The following MACROD2 variants were observed in gnomAD, a reference collection of about 807,000 sequenced individuals.
MACROD2 encodes mono-ADP ribosylhydrolase 2.
A neutral mutation model predicts 70.4 loss-of-function variants in MACROD2; 36 were observed. The ratio of observed to expected loss-of-function variants is 0.51; its 90% CI spans 0.39 to 0.68. The LOEUF is 0.68. Ranked by LOEUF, MACROD2 falls within the 30% of genes least tolerant of loss-of-function variation. MACROD2 has a pLI of 0.00. For synonymous variants in MACROD2, 172 were observed against 178.8 expected, an observed-to-expected ratio of 0.96 and a Z score of 0.30; for missense variants, 496 against 538.4, an observed-to-expected ratio of 0.92 and a Z score of 0.78.
intron 4 of MACROD2, among the ~76,000 whole-genome samples, chr20:14,638,325 A>G (rs540753595): frequency 3.4e-4 from 52 of 152,306 alleles, no homozygotes; most frequent in African/African-American, 1.1e-3. Flanking sequence ...AGTTATGACT[A>G]TGAGAATGAA....
chr20:14,515,945 T>C (rs1424333220), intron 4 of MACROD2, among the ~76,000 whole-genome samples: 3 of 148,426 alleles, frequency 2.0e-5, no homozygotes, highest in Non-Finnish European at 3.0e-5. Context: ...AAACATTACA[T>C]TGTACATTAT....
At chr20:15,134,069 G>T in intron 5 of MACROD2, among the ~76,000 whole-genome samples, 1 of 150,040 alleles carries the variant, frequency 6.7e-6, no homozygotes. Context: ...ACCTCACCTG[G>T]CTAATTTTTT....
At chr20:14,429,508 G>T (rs1431737481) in intron 3 of MACROD2, among the ~76,000 whole-genome samples, 2 of 152,196 alleles carry the variant, frequency 1.3e-5, no homozygotes, top group Non-Finnish European at 2.9e-5. Context: ...ATCAGAGAAA[G>T]CTTCAAGGAG....
chr20:15,080,127 T>G (rs2075691724), intron 5 of MACROD2, among the ~76,000 whole-genome samples: 1 of 137,498 alleles, frequency 7.3e-6, no homozygotes. Flanking sequence ...AATAAATAAA[T>G]AAATAAATAA....
chr20:14,122,245 G>A (rs1998488), intron 3 of MACROD2, among the ~76,000 whole-genome samples: 79,006 of 151,988 alleles, frequency 0.52, 22,421 homozygotes, highest in Non-Finnish European at 0.62. Flanking sequence ...ATTATCTGTG[G>A]CAAGTCACTT....
chr20:14,559,785 C>G (rs1466227870), intron 4 of MACROD2, among the ~76,000 whole-genome samples: 1 of 151,782 alleles, frequency 6.6e-6, no homozygotes, highest in African/African-American at 2.4e-5. Context: ...TTTCTAACAA[C>G]ATGAATCATG....
intron 5 of MACROD2, among the ~76,000 whole-genome samples, chr20:15,224,305 T>G (rs1224726467): frequency 6.6e-6 from 1 of 152,214 alleles, no homozygotes; most frequent in Non-Finnish European, 1.5e-5. Context: ...AGAATTTGCA[T>G]GTATACAAGC....
intron 2 of MACROD2, among the ~76,000 whole-genome samples, chr20:14,062,008 A>C (rs557349977): frequency 6.6e-6 from 1 of 152,268 alleles, no homozygotes; most frequent in East Asian, 1.9e-4. Context: ...CACACTTGAA[A>C]CTATTTTAGA....
chr20:14,975,451 G>T (rs1317223543), intron 5 of MACROD2, among the ~76,000 whole-genome samples: 1 of 152,136 alleles, frequency 6.6e-6, no homozygotes, highest in East Asian at 1.9e-4. Context: ...GCCAGCATGG[G>T]CCTAGTTTGG....
At chr20:15,262,987 G>T (rs1179885471) in intron 6 of MACROD2, among the ~76,000 whole-genome samples, 3 of 152,042 alleles carry the variant, frequency 2.0e-5, no homozygotes, top group Admixed American at 6.6e-5. Flanking sequence ...CGATTCTGTG[G>T]GTTGTTTCTT....
At chr20:14,681,159 T>G (rs982437195) in intron 4 of MACROD2, among the ~76,000 whole-genome samples, 4 of 152,192 alleles carry the variant, frequency 2.6e-5, no homozygotes, top group South Asian at 2.1e-4. Context: ...TGAACTCTCT[T>G]ACATTGCTGG....
At chr20:14,494,113 T>C (rs2084825206) in intron 4 of MACROD2, 1 of 152,116 alleles carries the variant, frequency 6.6e-6, no homozygotes, top group East Asian at 1.9e-4. Flanking sequence ...TAACTATTTG[T>C]ATTTTTACTT....
intron 6 of MACROD2, among the ~76,000 whole-genome samples, chr20:15,422,968 T>G (rs6110598): frequency 0.33 from 49,997 of 152,112 alleles, 8,470 homozygotes; most frequent in South Asian, 0.39. Flanking sequence ...ACATTCCATC[T>G]TCTGGTTTAC....
At chr20:14,981,450 ATATGTG>A (rs768493752) in intron 5 of MACROD2, among the ~76,000 whole-genome samples, 81 of 65,304 alleles carry the variant, frequency 1.2e-3, no homozygotes, top group Middle Eastern at 0.017. Flanking sequence ...ATATATATAT[ATATGTG>A]TGTGTGTGTC....
chr20:14,800,522 G>A (rs529624372), intron 5 of MACROD2, among the ~76,000 whole-genome samples: 77 of 152,154 alleles, frequency 5.1e-4, no homozygotes, highest in Non-Finnish European at 6.6e-4. Context: ...TCATTATAAC[G>A]TATCTGATGA....
At chr20:15,453,090 A>G (rs902732476) in intron 7 of MACROD2, among the ~76,000 whole-genome samples, 1 of 152,132 alleles carries the variant, frequency 6.6e-6, no homozygotes, top group Admixed American at 6.5e-5. Flanking sequence ...TGAACACAGC[A>G]TCAGGACCTG....
chr20:15,769,943 AC>A (rs1203227508), intron 8 of MACROD2, among the ~76,000 whole-genome samples: 1 of 152,078 alleles, frequency 6.6e-6, no homozygotes, highest in Non-Finnish European at 1.5e-5. Flanking sequence ...CATTCCTTAA[AC>A]TATTAAAGTT....
intron 12 of MACROD2, among the ~76,000 whole-genome samples, chr20:15,957,339 AC>A (rs2065991749): frequency 6.6e-6 from 1 of 152,202 alleles, no homozygotes; most frequent in Admixed American, 6.5e-5. Context: ...TATGAATGCA[AC>A]TTTTGGGAAA....
Position 15,246,091 on chromosome 20 carries a change from A to C in MACROD2, c.540+16030A>C, listed in dbSNP as rs183358603. Among the ~76,000 whole-genome samples the C allele has an allele frequency of 1.9e-3, 290 of 152,362 alleles. 1 individual carries two copies. The highest frequency in any genetic ancestry group is 5.8e-3 in the African/African-American group (240 of 41,594). On this transcript the variant is annotated intron_variant, in intron 6 of 17. Coordinates refer to ENST00000684519, the MANE Select transcript of MACROD2 (RefSeq NM_001351661.2). Reference sequence around the variant, plus strand: ...GTCCTAAAACAATCTAAAGAACTACAGACACATATGCCTTTAATGCTAATA... The same window carrying C: ...GTCCTAAAACAATCTAAAGAACTACCGACACATATGCCTTTAATGCTAATA...
Sources: allele counts gnomAD v4.1 joint callset (sites outside exome capture counted in the v4.1 genomes callset), GRCh38; gene constraint gnomAD v4.1.1; transcripts MANE v1.5; gene names NCBI Gene and HGNC (gene_info 2026-07-23, HGNC 2026-07-21).